Variants in ALG5 observed in about 807,000 individuals in gnomAD.
The protein encoded by ALG5 is ALG5 dolichyl-phosphate beta-glucosyltransferase.
A neutral mutation model predicts 51.8 loss-of-function variants in ALG5; 26 were observed. The ratio of observed to expected loss-of-function variants is 0.50; its 90% confidence interval spans 0.37 to 0.70. The LOEUF is 0.70. Among genes scored for constraint, ALG5 ranks in the 30% least tolerant of loss-of-function variants. The probability of loss-of-function intolerance (pLI) is 0.00; values close to 1 mark genes in which losing one functional copy is unlikely to be tolerated. For missense variants in ALG5, 311 were observed against 399.3 expected (o/e 0.78, Z 1.88); for synonymous variants, 141 against 136.1 (o/e 1.04, Z -0.25).
intron 5 of ALG5, among the ~76,000 whole-genome samples, chr13:36,986,231 A>G (rs548351246): frequency 2.2e-4 from 34 of 152,320 alleles, no homozygotes; most frequent in Non-Finnish European, 4.6e-4. Flanking sequence ...TTACTAAATT[A>G]ATTAAAGAAA....
intron 4 of ALG5, among the ~76,000 whole-genome samples, chr13:36,990,227 GATCT>G (rs1408829155): frequency 6.6e-6 from 1 of 152,174 alleles, no homozygotes; most frequent in Non-Finnish European, 1.5e-5. Context: ...GTGAGATAGT[GATCT>G]ATATTTGCCA....
intron 9 of ALG5, 82 bp from the exon 10 acceptor site, chr13:36,950,139 A>T: frequency 1.2e-6 from 1 of 822,220 alleles, no homozygotes; most frequent in Non-Finnish European, 1.9e-6. Context: ...AGTCTACATG[A>T]TCGTTGTGAG....
At chr13:36,955,860 T>C (rs2058837814) in intron 8 of ALG5, among the ~76,000 whole-genome samples, 1 of 152,076 alleles carries the variant, frequency 6.6e-6, no homozygotes, top group South Asian at 2.1e-4. Context: ...ATTAAAGACT[T>C]ACACACTTAC....
intron 9 of ALG5, among the ~76,000 whole-genome samples, chr13:36,950,661 CCTT>C (rs1389989129): frequency 6.6e-6 from 1 of 151,876 alleles, no homozygotes; most frequent in Non-Finnish European, 1.5e-5. Context: ...CTCACTGTAA[CCTT>C]GACCTCCCGG....
At chr13:36,951,418 A>G (rs1423922110) in intron 9 of ALG5, among the ~76,000 whole-genome samples, 1 of 152,208 alleles carries the variant, frequency 6.6e-6, no homozygotes, top group East Asian at 1.9e-4. Flanking sequence ...TACAGTTTGT[A>G]TAATCTCGAG....
chr13:36,972,063 T>C, intron 6 of ALG5, 27 bp from the exon 7 acceptor site: 1 of 1,533,308 alleles, frequency 6.5e-7, no homozygotes, highest in Non-Finnish European at 8.9e-7. Context: ...AGATAGTTTT[T>C]CAATATTTAA....
chr13:36,963,122 A>T (rs896510460), intron 8 of ALG5, among the ~76,000 whole-genome samples: 10 of 151,378 alleles, frequency 6.6e-5, no homozygotes, highest in East Asian at 1.9e-4. Context: ...AATTAAAAAA[A>T]TTTTTTTTTC....
rs2058888779 is a variant in ALG5, at chr13:36,965,488, C to T, written c.773+87G>A. ...TCAATTTTGTTTAAATCTACATGTT[C>T]ATTATAAATATACAGGGCTGTTTCT... is the stretch of plus-strand genomic sequence containing the variant. On this transcript the variant is annotated intron_variant, in intron 8 of 9. Transcript: ENST00000239891. 6 of 1,331,404 alleles carry T rather than the reference C, an allele frequency of 4.5e-6. No homozygotes were observed. In the South Asian group the frequency reaches 7.5e-5, roughly 17 times the overall value. 82.5% of individuals were successfully genotyped at this position (1,331,404 alleles called of 1,614,324 possible). A position where few individuals can be genotyped will look rare whatever the true frequency, so the allele number is the denominator to read the frequency against.
intron 6 of ALG5, among the ~76,000 whole-genome samples, chr13:36,983,366 C>CT (rs2058987975): frequency 6.6e-6 from 1 of 152,124 alleles, no homozygotes; most frequent in Non-Finnish European, 1.5e-5. Flanking sequence ...ACATGAAATA[C>CT]TTTTTTAGTA....
At chr13:36,991,089 C>T (rs2059023433) in intron 4 of ALG5, among the ~76,000 whole-genome samples, 1 of 152,236 alleles carries the variant, frequency 6.6e-6, no homozygotes, top group Non-Finnish European at 1.5e-5. Context: ...TCAGCCTTCA[C>T]CTTTTTAGCC....
At chr13:36,997,267 G>T (rs1262364032) in intron 1 of ALG5, among the ~76,000 whole-genome samples, 1 of 152,070 alleles carries the variant, frequency 6.6e-6, no homozygotes, top group Non-Finnish European at 1.5e-5. Context: ...GAGTTCAGGA[G>T]TTCGAGACCA....
chr13:36,998,369 A>G (rs2138835680), intron 1 of ALG5, among the ~76,000 whole-genome samples: 1 of 152,298 alleles, frequency 6.6e-6, no homozygotes, highest in East Asian at 1.9e-4. Flanking sequence ...TAAACTGTAA[A>G]TTTATACAAC....
chr13:36,977,805 AAAAAAAAAAC>A (rs1182765962), intron 6 of ALG5, among the ~76,000 whole-genome samples: 5 of 147,670 alleles, frequency 3.4e-5, no homozygotes, highest in Admixed American at 6.8e-5. Context: ...AAAAAAAAAA[AAAAAAAAAAC>A]AAAAACGGTG....
At chr13:36,976,459 T>C (rs910780602) in intron 6 of ALG5, among the ~76,000 whole-genome samples, 4 of 140,564 alleles carry the variant, frequency 2.8e-5, no homozygotes, top group Non-Finnish European at 4.6e-5. Context: ...AAGAAAAGAA[T>C]TTTCTTAGCT....
intron 8 of ALG5, among the ~76,000 whole-genome samples, chr13:36,956,122 T>G (rs1395635184): frequency 6.6e-6 from 1 of 152,120 alleles, no homozygotes; most frequent in African/African-American, 2.4e-5. Flanking sequence ...GGGGCTAACA[T>G]CACAAATATA....
intron 4 of ALG5, 92 bp from the exon 5 acceptor site, chr13:36,989,668 T>C (rs538770145): frequency 4.4e-5 from 41 of 925,986 alleles, no homozygotes; most frequent in African/African-American, 4.1e-4. Context: ...AACACTGCTA[T>C]TGCAGTTTAT....
chr13:36,984,658 A>G (rs2058994199), intron 6 of ALG5, among the ~76,000 whole-genome samples: 1 of 152,136 alleles, frequency 6.6e-6, no homozygotes, highest in Non-Finnish European at 1.5e-5. Flanking sequence ...GTAAATGAAC[A>G]TTCTCCTTGA....
chr13:36,994,916 G>T, intron 3 of ALG5, 73 bp downstream of exon 3: 1 of 1,350,298 alleles, frequency 7.4e-7, no homozygotes, highest in Non-Finnish European at 1.1e-6. Flanking sequence ...AGTGCATCTG[G>T]CTTGGGGTCC....
At chr13:36,988,351 A>G (rs2059011156) in intron 5 of ALG5, among the ~76,000 whole-genome samples, 1 of 152,216 alleles carries the variant, frequency 6.6e-6, no homozygotes, top group Non-Finnish European at 1.5e-5. Context: ...CCATCATGAC[A>G]CTGCATCAAT....
Sources: gnomAD v4.1 joint callset for allele counts (sites outside exome capture counted in the v4.1 genomes callset) on GRCh38, gnomAD v4.1.1 for gene constraint, MANE v1.5 for transcripts, NCBI Gene and HGNC (gene_info 2026-07-23, HGNC 2026-07-21) for gene names.